The following SLC20A2 variants were observed in gnomAD, a reference collection of about 807,000 sequenced individuals.
SLC20A2 encodes solute carrier family 20 member 2, also known as sodium-dependent phosphate transporter 2.
SLC20A2 carries 30 observed loss-of-function variants against 61.0 expected under a neutral mutation model. The ratio of observed to expected loss-of-function variants is 0.49; its 90% CI spans 0.37 to 0.67. SLC20A2 has a LOEUF of 0.67. Among genes scored for constraint, SLC20A2 ranks in the 30% least tolerant of loss-of-function variants. The pLI is 0.00. For synonymous variants in SLC20A2, 351 were observed against 353.3 expected, an observed-to-expected ratio of 0.99 and a Z score of 0.07; for missense variants, 626 against 866.4, an observed-to-expected ratio of 0.72 and a Z score of 3.48.
At chr8:42,504,626 G>A (rs1343619907), upstream of SLC20A2, among the ~76,000 whole-genome samples, 4 of 151,156 alleles carry the variant, frequency 2.6e-5, no homozygotes, top group Admixed American at 6.6e-5. Flanking sequence ...GGTGGATCAC[G>A]AGGTCAGGAG....
At chr8:42,423,528 TCTGA>T (rs532769561) in intron 10 of SLC20A2, among the ~76,000 whole-genome samples, 182 of 152,212 alleles carry the variant, frequency 1.2e-3, no homozygotes, top group African/African-American at 4.3e-3. Context: ...ATCATGGTCT[TCTGA>T]TTTTAGGATT....
At chr8:42,489,516 AAATAATAAACTGTAAC>A (rs1404516681) in intron 1 of SLC20A2, among the ~76,000 whole-genome samples, 1 of 123,874 alleles carries the variant, frequency 8.1e-6, no homozygotes, top group Non-Finnish European at 1.6e-5. Context: ...TGGATCTTTT[AAATAATAAACTGTAAC>A]AATTCTGCTC....
intron 1 of SLC20A2, among the ~76,000 whole-genome samples, chr8:42,494,348 AAATT>A (rs1809753272): frequency 6.6e-6 from 1 of 152,206 alleles, no homozygotes; most frequent in Non-Finnish European, 1.5e-5. Flanking sequence ...GTCAAAATAA[AAATT>A]AATTAAAATA....
At chr8:42,460,431 G>C (rs1806606021) in intron 4 of SLC20A2, among the ~76,000 whole-genome samples, 1 of 152,196 alleles carries the variant, frequency 6.6e-6, no homozygotes, top group Admixed American at 6.5e-5. Flanking sequence ...CAACCTCCAA[G>C]CATCCTCTAA....
chr8:42,533,651 G>GTTCTTTTTTTCTTTTTTTTTTTTTTTT (rs1380902729), intron 1 of SLC20A2, among the ~76,000 whole-genome samples: 1 of 89,736 alleles, frequency 1.1e-5, no homozygotes, highest in Admixed American at 1.4e-4. Flanking sequence ...ATGATCAACT[G>GTTCTTTTTTTCTTTTTTTTTTTTTTTT]TTCTTTTTTT....
chr8:42,467,076 G>A (rs1378702646), intron 2 of SLC20A2, among the ~76,000 whole-genome samples: 2 of 152,180 alleles, frequency 1.3e-5, no homozygotes, highest in Middle Eastern at 6.8e-3. Flanking sequence ...CCAAAGTGCT[G>A]GGATGACAGG....
Position 42,437,771 on chromosome 8 carries a change from G to A in SLC20A2, c.935-194C>T, listed in dbSNP as rs949349690. On this transcript the variant is annotated intron_variant, in intron 7 of 10. Coordinates refer to ENST00000520262, the MANE Select transcript of SLC20A2 (RefSeq NM_001257180.2). The surrounding 1 kb of genome is among the most constrained non-coding windows in gnomAD (Gnocchi z 6.4). ...GCTGGGACTACAAGCGCGACACCAT[G>A]CCCAGCTAACTTTTTTGTATTTTTA... is the stretch of plus-strand genomic sequence containing the variant. Among the ~76,000 whole-genome samples, 2 of 151,730 alleles carry A rather than the reference G, an allele frequency of 1.3e-5. No individual in the cohort carries two copies. Among genetic ancestry groups the A allele is most frequent in the African/African-American group, 2.4e-5 (1 of 41,298 alleles).
chr8:42,487,575 G>C (rs1267622345), intron 1 of SLC20A2, among the ~76,000 whole-genome samples: 1 of 152,104 alleles, frequency 6.6e-6, no homozygotes, highest in Admixed American at 6.6e-5. Context: ...CTCTGGCTCT[G>C]TTCATTTTTC....
At chr8:42,419,872 T>G (rs898363891) in intron 10 of SLC20A2, among the ~76,000 whole-genome samples, 8 of 152,190 alleles carry the variant, frequency 5.3e-5, no homozygotes, top group African/African-American at 1.9e-4. Context: ...TTACTGAATT[T>G]CACTCTCTCT....
chr8:42,466,551 T>A (rs930900815), intron 2 of SLC20A2, among the ~76,000 whole-genome samples: 7 of 152,340 alleles, frequency 4.6e-5, no homozygotes, highest in South Asian at 4.1e-4. Flanking sequence ...AGGCAATATA[T>A]TGGGAAAAGA....
intron 1 of SLC20A2, among the ~76,000 whole-genome samples, chr8:42,482,874 G>A (rs981344888): frequency 1.3e-4 from 20 of 150,796 alleles, no homozygotes; most frequent in South Asian, 2.1e-4. Flanking sequence ...GTAAAAATCC[G>A]TCTCTACTAA....
intron 1 of SLC20A2, among the ~76,000 whole-genome samples, chr8:42,478,990 T>C (rs543087233): frequency 6.6e-6 from 1 of 152,014 alleles, no homozygotes; most frequent in African/African-American, 2.4e-5. Flanking sequence ...GGACGGGTGA[T>C]GTCACAGCAC....
intron 1 of SLC20A2, among the ~76,000 whole-genome samples, chr8:42,489,064 C>T (rs1250468850): frequency 2.0e-5 from 3 of 151,556 alleles, no homozygotes; most frequent in South Asian, 2.1e-4. Flanking sequence ...CTCAGCCTCC[C>T]GAGCAGCTGG....
At chr8:42,459,136 T>C (rs1806475646) in intron 5 of SLC20A2, among the ~76,000 whole-genome samples, 1 of 145,570 alleles carries the variant, frequency 6.9e-6, no homozygotes, top group South Asian at 2.1e-4. Context: ...CTAAGGAGGC[T>C]GAGGCAGGAG....
intron 5 of SLC20A2, among the ~76,000 whole-genome samples, chr8:42,453,265 C>T (rs1186492272): frequency 6.6e-6 from 1 of 152,206 alleles, no homozygotes; most frequent in East Asian, 1.9e-4. Context: ...GGCTTGTATC[C>T]AACCCAAGTA....
chr8:42,419,976 G>C (rs1032548520), intron 10 of SLC20A2, among the ~76,000 whole-genome samples: 1 of 152,174 alleles, frequency 6.6e-6, no homozygotes, highest in Non-Finnish European at 1.5e-5. Flanking sequence ...TACAAGGTCA[G>C]GAGATCAAGA....
chr8:42,534,098 C>A (rs373460006), intron 1 of SLC20A2, among the ~76,000 whole-genome samples: 1 of 151,918 alleles, frequency 6.6e-6, no homozygotes, highest in Non-Finnish European at 1.5e-5. Flanking sequence ...GGGTGGATCA[C>A]CTGAGGTTGC....
chr8:42,501,064 T>A lies in SLC20A2; in HGVS notation c.-298A>T, dbSNP rs1412880602. ...TCCAAGAAAACTGAGCCACAATTCTTCAGAAGACTGCTCTCCTGATCACAA... is the reference window on the plus strand; with the variant it reads ...TCCAAGAAAACTGAGCCACAATTCTACAGAAGACTGCTCTCCTGATCACAA... On this transcript the variant is annotated 5_prime_UTR_variant, in exon 1 of 11. Coordinates refer to ENST00000520262, the MANE Select transcript of SLC20A2 (RefSeq NM_001257180.2). 3 of 152,172 alleles carry A rather than the reference T, an allele frequency of 2.0e-5. No homozygotes were observed. The highest frequency in any genetic ancestry group is 7.2e-5 in the African/African-American group (3 of 41,454). The allele number at this position is 152,172 out of a possible 1,614,324, so 9.4% of individuals were successfully genotyped here. A position where few individuals can be genotyped will look rare whatever the true frequency, so the allele number is the denominator to read the frequency against.
At chr8:42,504,160 C>G (rs1056926047), upstream of SLC20A2, among the ~76,000 whole-genome samples, 7 of 152,138 alleles carry the variant, frequency 4.6e-5, no homozygotes, top group African/African-American at 1.4e-4. Context: ...AGGCCAGCCT[C>G]GAACTCCTGG....
Sources: gnomAD v4.1 joint callset for allele counts (sites outside exome capture counted in the v4.1 genomes callset) on GRCh38, gnomAD v4.1.1 for gene constraint, Gnocchi (gnomAD v3.1) non-coding constraint, MANE v1.5 for transcripts, NCBI Gene and HGNC (gene_info 2026-07-23, HGNC 2026-07-21) for gene names.